The following CABIN1 variants were observed in gnomAD, a reference collection of about 807,000 sequenced individuals.
The protein encoded by CABIN1 is calcineurin binding protein 1, also known as calcineurin-binding protein cabin-1.
CABIN1 carries 133 observed loss-of-function variants against 227.7 expected under a neutral mutation model. That is an observed-to-expected ratio of 0.58 (90% CI 0.51 to 0.67). CABIN1 has a LOEUF of 0.67. CABIN1 is among the 30% of genes least tolerant of loss of function. The probability of loss-of-function intolerance (pLI) is 0.00; values close to 1 mark genes in which losing one functional copy is unlikely to be tolerated. For synonymous variants in CABIN1, 1,086 were observed against 1,155.1 expected (o/e 0.94, Z 1.21); for missense variants, 2,408 against 2,852.5 (o/e 0.84, Z 3.55).
Position 24,063,077 on chromosome 22 carries a change from G to A in CABIN1, c.1815G>A (p.Leu605=), listed in dbSNP as rs1175244945. ...CATTTGCCTCGTCCCAGCGCGACCT[G>A]TTCGAGGATGGTTGGCTGGAGTTTG... ...QLSFASSQRD[L]FEDGWLEFVV... is the part of the protein sequence containing the mutation. The change falls in exon 14 of 37, where the codon CTG becomes CTA. Residue 605 remains leucine (L), a synonymous_variant. Transcript: ENST00000263119. 3 of 1,614,096 alleles carry A rather than the reference G, an allele frequency of 1.9e-6. No individual in the cohort carries two copies. The highest frequency in any genetic ancestry group is 2.5e-6 in the Non-Finnish European group (3 of 1,180,046).
chr22:24,095,143 A>T (rs919299116), intron 24 of CABIN1, among the ~76,000 whole-genome samples: 1 of 152,224 alleles, frequency 6.6e-6, no homozygotes, highest in African/African-American at 2.4e-5. Flanking sequence ...GAGTGCTGCC[A>T]GCAGGTTCTC....
chr22:24,094,041 A>G (rs1426857795), intron 24 of CABIN1, among the ~76,000 whole-genome samples: 5 of 152,110 alleles, frequency 3.3e-5, no homozygotes, highest in Admixed American at 3.3e-4. Context: ...TAGTGCTCAT[A>G]CTGTCCACCT....
At chr22:24,069,131 C>T (rs1454957721) in intron 16 of CABIN1, among the ~76,000 whole-genome samples, 1 of 152,216 alleles carries the variant, frequency 6.6e-6, no homozygotes, top group Non-Finnish European at 1.5e-5. Flanking sequence ...CGCTTTCTTC[C>T]AGTGGGCAAG....
chr22:24,102,593 G>T (rs1307844044), intron 26 of CABIN1, among the ~76,000 whole-genome samples: 3 of 152,212 alleles, frequency 2.0e-5, no homozygotes, highest in African/African-American at 7.2e-5. Context: ...GAGAGGTGGG[G>T]TTTGTTCATC....
chr22:24,036,227 A>G (rs2036875318), intron 3 of CABIN1, 46 bp downstream of exon 3: 4 of 1,330,844 alleles, frequency 3.0e-6, no homozygotes, highest in African/African-American at 1.4e-5. Context: ...TCTCATTTCT[A>G]TAGAGGGAAC....
Position 24,072,402 on chromosome 22 carries a change from G to A in CABIN1, c.2524G>A (p.Val842Ile), listed in dbSNP as rs541347512. 4.3e-6 allele frequency: 7 copies of A among 1,614,140 alleles called. No homozygotes were observed. In the East Asian group the frequency reaches 1.1e-4, roughly 26 times the overall value. Residue 842 changes from valine to isoleucine, a missense_variant, in exon 18 of 37, where the codon GTC (valine) becomes ATC (isoleucine). Val to Ile is a conservative substitution (Grantham distance 29). Coordinates refer to ENST00000263119, the MANE Select transcript of CABIN1 (RefSeq NM_012295.4). ...GCAGGAGGAGGCCAAGGAGCCCCAC[G>A]TCTCTTCAGTGCTACCCTGGATCAT... is the stretch of plus-strand genomic sequence containing the variant. The part of the protein sequence containing the change: ...AVQEEAKEPH[V>I]SSVLPWIILH...
chr22:24,060,334 G>A lies in CABIN1; in HGVS notation c.1617+193G>A, dbSNP rs188599209. Among the ~76,000 whole-genome samples the A allele has an allele frequency of 4.9e-4, 75 of 152,294 alleles. No individual in the cohort carries two copies. In the East Asian group the frequency reaches 0.012, roughly 25 times the overall value. On this transcript the variant is annotated intron_variant, in intron 12 of 36. Coordinates refer to ENST00000263119, the MANE Select transcript of CABIN1 (RefSeq NM_012295.4). Reference sequence around the variant, plus strand: ...GCCTAGAAAGCTCCCTGATGGCTGAGTGGAGGATACACTTAGGGGTGAGAG... The same window carrying A: ...GCCTAGAAAGCTCCCTGATGGCTGAATGGAGGATACACTTAGGGGTGAGAG...
intron 1 of CABIN1, among the ~76,000 whole-genome samples, chr22:24,029,327 C>T (rs950821883): frequency 6.6e-6 from 1 of 152,190 alleles, no homozygotes; most frequent in Non-Finnish European, 1.5e-5. Flanking sequence ...TAAGCCGAGG[C>T]GCTTGAGCTC....
At chr22:24,066,962 T>C (rs746584146) in intron 15 of CABIN1, 25 bp from the exon 16 acceptor site, 2 of 1,613,430 alleles carry the variant, frequency 1.2e-6, no homozygotes, top group Non-Finnish European at 1.7e-6. Context: ...TTTACCCTCA[T>C]ACAGCATTGC....
intron 14 of CABIN1, among the ~76,000 whole-genome samples, chr22:24,063,502 A>G (rs139056222): frequency 1.2e-4 from 19 of 152,328 alleles, no homozygotes; most frequent in Non-Finnish European, 2.5e-4. Flanking sequence ...GTGAATAAAC[A>G]GATACAGAGC....
chr22:24,103,074 C>T (rs2042306173), intron 26 of CABIN1: 1 of 152,286 alleles, frequency 6.6e-6, no homozygotes, highest in South Asian at 2.1e-4. Context: ...CGGCTCGCTT[C>T]AGGGAACAGC....
chr22:24,076,399 C>A (rs984446671), intron 19 of CABIN1, 115 bp downstream of exon 19: 3 of 780,212 alleles, frequency 3.8e-6, no homozygotes, highest in African/African-American at 3.4e-5. Flanking sequence ...GGCCTTCCCT[C>A]AGTGGGCCCA....
chr22:24,136,260 A>G (rs1160820843), intron 29 of CABIN1, among the ~76,000 whole-genome samples: 1 of 151,768 alleles, frequency 6.6e-6, no homozygotes, highest in Non-Finnish European at 1.5e-5. Flanking sequence ...TCTTGGAGAT[A>G]CTGTTAGAAC....
Position 24,055,091 on chromosome 22 carries a change from A to G in CABIN1, c.1025A>G (p.Tyr342Cys). 2 of 1,614,196 alleles carry G rather than the reference A, an allele frequency of 1.2e-6. No individual in the cohort carries two copies. Among genetic ancestry groups the G allele is most frequent in the Non-Finnish European group, 1.7e-6 (2 of 1,180,034 alleles). Residue 342 changes from tyrosine (Y) to cysteine (C), a missense_variant, in exon 9 of 37, where the codon TAC (tyrosine) becomes TGC (cysteine). By Grantham distance (194) the Tyr-to-Cys change is radical (BLOSUM62 -2). This residue lies in a region of CABIN1 where 1,045 missense variants were observed against 1,168.4 expected (regional missense o/e 0.89). Transcript: ENST00000263119. ...GCTGTCGCCGAGCCTGTGGTCTCCT[A>G]CACCTCTGTGGCTACAACCAGCTTC... Reference protein sequence around the residue: ...AVAVAEPVVSYTSVATTSFPL... With the variant: ...AVAVAEPVVSCTSVATTSFPL...
Position 24,177,688 on chromosome 22 carries a change from C to G in CABIN1, c.6390C>G (p.Pro2130=), listed in dbSNP as rs763639621. 1.2e-6 allele frequency: 2 copies of G among 1,613,820 alleles called. No homozygotes were observed. The highest frequency in any genetic ancestry group is 2.2e-5 in the South Asian group (2 of 91,068). ...GCCGGGCTAAGTCCCGCCCCCTGCC[C>G]AACATGCCAAAGCTGGTCATCCCCT... ...EPSRAKSRPL[P]NMPKLVIPSA... The change falls in exon 36 of 37, where the codon CCC becomes CCG. Residue 2130 remains proline, a synonymous_variant. Coordinates refer to ENST00000263119, the MANE Select transcript of CABIN1 (RefSeq NM_012295.4). The surrounding 1 kb of genome is among the most constrained non-coding windows in gnomAD (Gnocchi z 4.4).
rs1055616381 is a variant in CABIN1, at chr22:24,119,248, G to C, written c.4301-119G>C. The C allele has an allele frequency of 2.2e-5, 19 of 879,366 alleles. No individual in the cohort carries two copies. The African/African-American group carries it at 2.8e-4, about 13-fold the overall frequency. The allele number at this position is 879,366 out of a possible 1,614,324, so 54.5% of individuals were successfully genotyped here. Reference sequence around the variant, plus strand: ...GCTGGGTCCAGCATCCACTCAGCAAGGGCATTGATCCAGCCGTGCTGATCA... The same window carrying C: ...GCTGGGTCCAGCATCCACTCAGCAACGGCATTGATCCAGCCGTGCTGATCA... On this transcript the variant is annotated intron_variant, in intron 27 of 36. Coordinates refer to ENST00000263119, the MANE Select transcript of CABIN1 (RefSeq NM_012295.4).
intron 6 of CABIN1, 128 bp downstream of exon 6, chr22:24,043,212 G>T: frequency 4.2e-6 from 3 of 715,718 alleles, no homozygotes; most frequent in Admixed American, 4.6e-5. Context: ...AGGGAGAATG[G>T]CAATGTTCTT....
chr22:24,172,030 C>T, intron 34 of CABIN1, 35 bp downstream of exon 34: 2 of 1,593,956 alleles, frequency 1.3e-6, no homozygotes, highest in Non-Finnish European at 1.7e-6. Context: ...TGGGCCCAGG[C>T]CCCTGCCACC....
At chr22:24,070,751 A>G (rs369556719) in intron 16 of CABIN1, 49 bp from the exon 17 acceptor site, 6 of 1,613,486 alleles carry the variant, frequency 3.7e-6, no homozygotes, top group African/African-American at 2.7e-5. Flanking sequence ...CCTTGGGCCC[A>G]GATGTGCTGA....
Sources: gnomAD v4.1 joint callset for allele counts (sites outside exome capture counted in the v4.1 genomes callset) on GRCh38, gnomAD v4.1.1 for gene constraint, gnomAD v4.1.1 regional missense constraint, Gnocchi (gnomAD v3.1) non-coding constraint, MANE v1.5 for transcripts, NCBI Gene and HGNC (gene_info 2026-07-23, HGNC 2026-07-21) for gene names.